Variants in KIAA0319L observed in about 807,000 individuals in gnomAD.
KIAA0319L encodes the protein KIAA0319 like.
In KIAA0319L, 55 loss-of-function variants were observed where a neutral mutation model predicts 120.1. The observed-to-expected ratio is 0.46, with a 90% CI of 0.37 to 0.57. The LOEUF (loss-of-function observed/expected upper bound fraction) is 0.57. KIAA0319L is among the 20% of genes least tolerant of loss of function. KIAA0319L has a pLI of 0.00. For synonymous variants in KIAA0319L, 398 were observed against 471.9 expected, an observed-to-expected ratio of 0.84 and a Z score of 2.03; for missense variants, 1,049 against 1,255.3, an observed-to-expected ratio of 0.84 and a Z score of 2.48.
At chr1:35,547,073 G>A (rs1274571298) in intron 2 of KIAA0319L, among the ~76,000 whole-genome samples, 1 of 143,920 alleles carries the variant, frequency 6.9e-6, no homozygotes, top group Non-Finnish European at 1.5e-5. Context: ...ACAAATAGTG[G>A]AATTGCTGGA....
At chr1:35,443,221 T>G in intron 17 of KIAA0319L, 193 bp from the exon 18 acceptor site, 1 of 584,758 alleles carries the variant, frequency 1.7e-6, no homozygotes, top group Admixed American at 3.0e-5. Flanking sequence ...AGGAGGCCAC[T>G]AGAAAGACAC....
Position 35,454,410 on chromosome 1 carries a change from T to A in KIAA0319L, c.1732A>T (p.Thr578Ser). 1 of 1,614,164 alleles carries A rather than the reference T, an allele frequency of 6.2e-7. No homozygotes were observed. The highest frequency in any genetic ancestry group is 2.2e-5 in the East Asian group (1 of 44,880). Reference protein sequence around the residue: ...DYTYQLTVTDTIGQQATAQVT... With the variant: ...DYTYQLTVTDSIGQQATAQVT... ...TGAGCAGTGGCCTGCTGTCCTATTG[T>A]GTCAGTCACTGTGAGCTGGTAAGTG... Residue 578 changes from threonine to serine, a missense_variant, in exon 11 of 21, where the codon ACA (threonine) becomes TCA (serine). By Grantham distance (58) the Thr-to-Ser change is moderately conservative. Coordinates refer to ENST00000325722, the MANE Select transcript of KIAA0319L (RefSeq NM_024874.5).
intron 20 of KIAA0319L, chr1:35,440,814 A>G: frequency 1.8e-6 from 1 of 542,604 alleles, no homozygotes; most frequent in Non-Finnish European, 3.3e-6. Context: ...AAAGGAAAAC[A>G]ACAGGCCCAG....
At chr1:35,523,493 A>T (rs1646006230) in intron 2 of KIAA0319L, among the ~76,000 whole-genome samples, 1 of 152,250 alleles carries the variant, frequency 6.6e-6, no homozygotes, top group Non-Finnish European at 1.5e-5. Context: ...CCAGATGGCC[A>T]GGTATCAGGT....
chr1:35,453,784 G>A lies in KIAA0319L; in HGVS notation c.1781-95C>T. 1 of 1,233,286 alleles carries A rather than the reference G, an allele frequency of 8.1e-7. No homozygotes were observed. The highest frequency in any genetic ancestry group is 1.1e-6 in the Non-Finnish European group (1 of 891,856). The allele number at this position is 1,233,286 out of a possible 1,614,324, so 76.4% of individuals were successfully genotyped here. ...ACATGTTCTGGAAGCCATGGACTCT[G>A]CCTCTCAGGCCACAGAACTGTCAGA... On this transcript the variant is annotated intron_variant, in intron 11 of 20. Coordinates refer to ENST00000325722, the MANE Select transcript of KIAA0319L (RefSeq NM_024874.5). The surrounding 1 kb of genome is among the most constrained non-coding windows in gnomAD (Gnocchi z 4.1).
chr1:35,533,488 C>T (rs1646453278), intron 2 of KIAA0319L: 1 of 152,104 alleles, frequency 6.6e-6, no homozygotes, highest in African/African-American at 2.4e-5. Flanking sequence ...AAAAAATTTG[C>T]AATTAATATT....
intron 3 of KIAA0319L, among the ~76,000 whole-genome samples, chr1:35,492,121 A>T (rs1319979945): frequency 1.3e-5 from 2 of 152,256 alleles, no homozygotes; most frequent in African/African-American, 4.8e-5. Context: ...ACTGAAGAAA[A>T]GGAAAAACTC....
chr1:35,469,922 G>A (rs1417956144), intron 6 of KIAA0319L, among the ~76,000 whole-genome samples: 1 of 151,946 alleles, frequency 6.6e-6, no homozygotes, highest in African/African-American at 2.4e-5. Context: ...GGGCTTTAGG[G>A]CAGTAGTATG....
At chr1:35,553,912 A>G (rs1161729681) in intron 2 of KIAA0319L, among the ~76,000 whole-genome samples, 2 of 151,490 alleles carry the variant, frequency 1.3e-5, no homozygotes, top group Non-Finnish European at 3.0e-5. Flanking sequence ...AGATTCCTTT[A>G]GGAAAGGAAA....
rs1052164733 is a variant in KIAA0319L at position 35,437,924 on chromosome 1, C to T, written c.2963-2843G>A. Reference sequence around the variant, plus strand: ...ATTCTGTCAACAGCACTATCATTCTCCATCTCTCGGTTGGAAGTCAGCCCT... The same window carrying T: ...ATTCTGTCAACAGCACTATCATTCTTCATCTCTCGGTTGGAAGTCAGCCCT... On this transcript the variant is annotated intron_variant, in intron 20 of 20. Transcript: ENST00000325722. This position sits in a 1 kb window ranked among gnomAD's most constrained non-coding sequence, Gnocchi z 4.1. Among the ~76,000 whole-genome samples the T allele has an allele frequency of 6.6e-6, 1 of 152,184 alleles. No individual in the cohort carries two copies. The highest frequency in any genetic ancestry group is 2.1e-4 in the South Asian group (1 of 4,824).
At chr1:35,487,365 G>A (rs931046847) in intron 3 of KIAA0319L, among the ~76,000 whole-genome samples, 1 of 151,338 alleles carries the variant, frequency 6.6e-6, no homozygotes, top group Non-Finnish European at 1.5e-5. Context: ...AGTGATTCTC[G>A]TGCCTCAGCC....
At chr1:35,492,528 T>A (rs11801047) in intron 3 of KIAA0319L, among the ~76,000 whole-genome samples, 5,421 of 150,946 alleles carry the variant, frequency 0.036, 317 homozygotes, top group African/African-American at 0.12. Context: ...AATAATAAAT[T>A]AATTAATAAT....
chr1:35,518,158 G>C (rs1645758209), intron 2 of KIAA0319L, among the ~76,000 whole-genome samples: 1 of 152,164 alleles, frequency 6.6e-6, no homozygotes, highest in African/African-American at 2.4e-5. Context: ...AAGCAGTATG[G>C]CAATTCCTCA....
chr1:35,496,419 C>CA (rs1644808520), intron 3 of KIAA0319L, among the ~76,000 whole-genome samples: 1 of 151,896 alleles, frequency 6.6e-6, no homozygotes, highest in Admixed American at 6.6e-5. Flanking sequence ...GACTCCGTCT[C>CA]AAAAAAATAA....
intron 5 of KIAA0319L, among the ~76,000 whole-genome samples, chr1:35,474,388 A>G (rs1421523542): frequency 1.3e-5 from 2 of 152,230 alleles, no homozygotes; most frequent in African/African-American, 4.8e-5. Flanking sequence ...GAGATAGTAG[A>G]TAAGTTACCA....
At chr1:35,489,986 G>T (rs1644532460) in intron 3 of KIAA0319L, among the ~76,000 whole-genome samples, 1 of 148,044 alleles carries the variant, frequency 6.8e-6, no homozygotes, top group African/African-American at 2.5e-5. Context: ...TCTGAGACAG[G>T]GTCTCACTCT....
chr1:35,500,825 A>G (rs1644978254), intron 3 of KIAA0319L, among the ~76,000 whole-genome samples: 1 of 152,240 alleles, frequency 6.6e-6, no homozygotes, highest in South Asian at 2.1e-4. Context: ...TGCACAAGGC[A>G]ATCTTACCAC....
rs367616441 is a variant in KIAA0319L at position 35,512,526 on chromosome 1, G to T, written c.143-5391C>A. Among the ~76,000 whole-genome samples the T allele has an allele frequency of 5.3e-4, 80 of 152,034 alleles. 1 individual carries two copies. The highest frequency in any genetic ancestry group is 1.9e-3 in the African/African-American group (78 of 41,492). ...AATAAAGCTGATAAATCTCTAGTCGGACTGACCACGGGAAAAAAAAGGAGT... is the reference window on the plus strand; with the variant it reads ...AATAAAGCTGATAAATCTCTAGTCGTACTGACCACGGGAAAAAAAAGGAGT... On this transcript the variant is annotated intron_variant, in intron 2 of 20. Coordinates refer to ENST00000325722, the MANE Select transcript of KIAA0319L (RefSeq NM_024874.5).
At chr1:35,443,703 A>G (rs1426491337) in intron 17 of KIAA0319L, among the ~76,000 whole-genome samples, 4 of 152,048 alleles carry the variant, frequency 2.6e-5, no homozygotes, top group Non-Finnish European at 5.9e-5. Context: ...TAAATAAATA[A>G]ATAAGCATTA....
Sources: allele counts gnomAD v4.1 joint callset (sites outside exome capture counted in the v4.1 genomes callset), GRCh38; gene constraint gnomAD v4.1.1; non-coding constraint Gnocchi (gnomAD v3.1); transcripts MANE v1.5; gene names NCBI Gene and HGNC (gene_info 2026-07-23, HGNC 2026-07-21).